The following AASS variants were observed in gnomAD, a reference collection of about 807,000 sequenced individuals.
The protein encoded by AASS is alpha-aminoadipic semialdehyde synthase, mitochondrial.
In AASS, 86 loss-of-function variants were observed where a neutral mutation model predicts 105.4. The observed-to-expected ratio is 0.82, with a 90% confidence interval of 0.69 to 0.98. AASS has a LOEUF of 0.98. AASS is among the 50% of genes least tolerant of loss of function. The pLI, the probability that AASS is intolerant of heterozygous loss-of-function variation, is 0.00. For synonymous variants in AASS, 381 were observed against 394.8 expected, an observed-to-expected ratio of 0.96 and a Z score of 0.41; for missense variants, 1,048 against 1,143.2, an observed-to-expected ratio of 0.92 and a Z score of 1.20.
intron 11 of AASS, among the ~76,000 whole-genome samples, chr7:122,101,939 C>CA (rs923625561): frequency 2.0e-5 from 3 of 151,708 alleles, no homozygotes; most frequent in Non-Finnish European, 4.4e-5. Context: ...GCTGTGAACA[C>CA]AAAAAAGCTT....
At chr7:122,113,792 G>A in intron 9 of AASS, 72 bp from the exon 10 acceptor site, 2 of 1,564,840 alleles carry the variant, frequency 1.3e-6, no homozygotes, top group Non-Finnish European at 8.7e-7. Flanking sequence ...AAAAAAAGGA[G>A]TTTGGAACAA....
intron 3 of AASS, among the ~76,000 whole-genome samples, chr7:122,128,100 A>C (rs900115028): frequency 6.6e-6 from 1 of 152,018 alleles, no homozygotes; most frequent in African/African-American, 2.4e-5. Flanking sequence ...TTCCACCTTT[A>C]TGTCATCAGT....
At chr7:122,084,958 C>T (rs993950595) in intron 19 of AASS, among the ~76,000 whole-genome samples, 1 of 152,008 alleles carries the variant, frequency 6.6e-6, no homozygotes, top group Admixed American at 6.6e-5. Context: ...AGTTTAGGGC[C>T]CTGTCGCCAA....
chr7:122,103,771 T>C (rs1794538350), intron 11 of AASS, among the ~76,000 whole-genome samples: 1 of 151,860 alleles, frequency 6.6e-6, no homozygotes, highest in South Asian at 2.1e-4. Context: ...TATGTACATA[T>C]ACATATATAT....
chr7:122,093,871 A>G (rs1417297824), intron 15 of AASS, among the ~76,000 whole-genome samples: 2 of 152,136 alleles, frequency 1.3e-5, no homozygotes, highest in Non-Finnish European at 2.9e-5. Context: ...GGATTAAAAA[A>G]TGTAGTACAT....
At chr7:122,128,074 C>A (rs1054356377) in intron 3 of AASS, among the ~76,000 whole-genome samples, 2 of 152,126 alleles carry the variant, frequency 1.3e-5, no homozygotes, top group African/African-American at 4.8e-5. Context: ...TTCCTGACTG[C>A]TCTCCTTTTT....
At chr7:122,104,204 T>A (rs988119529) in intron 11 of AASS, among the ~76,000 whole-genome samples, 1 of 151,992 alleles carries the variant, frequency 6.6e-6, no homozygotes, top group Non-Finnish European at 1.5e-5. Context: ...CTATTCACAA[T>A]AGCAAAGTTA....
chr7:122,097,634 T>G (rs1240088154), intron 15 of AASS, among the ~76,000 whole-genome samples: 1 of 152,048 alleles, frequency 6.6e-6, no homozygotes, highest in Non-Finnish European at 1.5e-5. Context: ...TGTAATTCTG[T>G]GTCTAGATGT....
intron 1 of AASS, among the ~76,000 whole-genome samples, chr7:122,141,399 G>A (rs954890967): frequency 1.9e-4 from 29 of 151,830 alleles, no homozygotes; most frequent in African/African-American, 6.3e-4. Context: ...GTTCTAAATC[G>A]GAGTCTAGTC....
intron 9 of AASS, among the ~76,000 whole-genome samples, chr7:122,114,864 A>G (rs1795093288): frequency 6.6e-6 from 1 of 152,172 alleles, no homozygotes; most frequent in East Asian, 1.9e-4. Context: ...AAACATAACA[A>G]GACCCCATCT....
At position 122,137,856 on chromosome 7, in the gene AASS, C is replaced by T. The variant is rs570601629; in HGVS notation, c.-15-4115G>A. ...CTTCAATGAAGGAAGGAGGGAAGAT[C>T]AGGGTTTACTCACCACCAGCTCTAG... On this transcript the variant is annotated intron_variant, in intron 1 of 23. Transcript: ENST00000417368. 2.0e-5 allele frequency among the ~76,000 whole-genome samples: 3 copies of T among 152,244 alleles called. No individual in the cohort carries two copies. The South Asian group carries it at 6.2e-4, about 32-fold the overall frequency.
chr7:122,080,142 G>A (rs1435087153), intron 20 of AASS, among the ~76,000 whole-genome samples: 2 of 152,170 alleles, frequency 1.3e-5, no homozygotes, highest in Non-Finnish European at 2.9e-5. Context: ...TTCAAGAGAT[G>A]AGAAAGTCCT....
chr7:122,113,460 TCCCCAAA>T, intron 10 of AASS, 131 bp downstream of exon 10: 1 of 1,162,214 alleles, frequency 8.6e-7, no homozygotes. Context: ...CATGTTTTTT[TCCCCAAA>T]TTTTAGTATG....
intron 2 of AASS, 109 bp from the exon 3 acceptor site, chr7:122,129,646 C>T: frequency 1.0e-6 from 1 of 1,004,796 alleles, no homozygotes; most frequent in Non-Finnish European, 1.5e-6. Context: ...GGAATAAAAT[C>T]TGTATGAATT....
At chr7:122,128,203 A>G (rs1479748121) in intron 3 of AASS, among the ~76,000 whole-genome samples, 1 of 152,212 alleles carries the variant, frequency 6.6e-6, no homozygotes, top group Non-Finnish European at 1.5e-5. Context: ...GCAGGCCACC[A>G]TCACTTGTGA....
At chr7:122,101,321 T>A in intron 13 of AASS, 50 bp downstream of exon 13, 1 of 1,422,746 alleles carries the variant, frequency 7.0e-7, no homozygotes, top group Non-Finnish European at 9.9e-7. Flanking sequence ...ACTCATGAAT[T>A]CCAAGATAAG....
intron 11 of AASS, among the ~76,000 whole-genome samples, chr7:122,106,541 C>G (rs1794672890): frequency 2.0e-5 from 3 of 151,824 alleles, no homozygotes; most frequent in Non-Finnish European, 2.9e-5. Flanking sequence ...CAGCATAAGA[C>G]TCGTACAAAA....
At chr7:122,127,716 C>T (rs1281757833) in intron 3 of AASS, among the ~76,000 whole-genome samples, 2 of 152,152 alleles carry the variant, frequency 1.3e-5, no homozygotes, top group African/African-American at 4.8e-5. Flanking sequence ...TATGAACCCT[C>T]CAATCCTCTG....
At position 122,129,505 on chromosome 7, in the gene AASS, C is replaced by T. The variant is rs752980950; in HGVS notation, c.243G>A (p.Glu81=). 1.2e-6 allele frequency: 2 copies of T among 1,613,126 alleles called. No individual in the cohort carries two copies. The highest frequency in any genetic ancestry group is 1.1e-5 in the South Asian group (1 of 91,038). ...AAATTAGACAAGCTTCAGAAATATC[C>T]TCCTGAAGAATGCCACCAGCTTTGA... is the stretch of plus-strand genomic sequence containing the variant. The part of the protein sequence containing the change: ...DYVKAGGILQ[E]DISEACLILG... Residue 81 remains glutamate, a synonymous_variant, in exon 3 of 24, where the codon GAG becomes GAA. Coordinates refer to ENST00000417368, the MANE Select transcript of AASS (RefSeq NM_005763.4).
Sources: gnomAD v4.1 joint callset for allele counts (sites outside exome capture counted in the v4.1 genomes callset) on GRCh38, gnomAD v4.1.1 for gene constraint, MANE v1.5 for transcripts, NCBI Gene and HGNC (gene_info 2026-07-23, HGNC 2026-07-21) for gene names.